The following ANKRD12 variants were observed in gnomAD, a reference collection of about 807,000 sequenced individuals.
ANKRD12 encodes the protein ankyrin repeat domain 12.
A neutral mutation model predicts 183.4 loss-of-function variants in ANKRD12; 85 were observed. The ratio of observed to expected loss-of-function variants is 0.46; its 90% CI spans 0.39 to 0.56. The LOEUF is 0.56. Ranked by LOEUF, ANKRD12 falls within the 20% of genes least tolerant of loss-of-function variation. The probability of loss-of-function intolerance (pLI) is 0.00; values close to 1 mark genes in which losing one functional copy is unlikely to be tolerated. For missense variants in ANKRD12, 2,405 were observed against 2,357.1 expected, an observed-to-expected ratio of 1.02 and a Z score of -0.42; for synonymous variants, 914 against 800.2, an observed-to-expected ratio of 1.14 and a Z score of -2.40.
rs189048780 is a variant in ANKRD12 at position 9,160,236 on chromosome 18, C to T, written c.-51-22146C>T. Reference sequence around the variant, plus strand: ...ACTCAGGTGATCCTCCCACTTCAGCCTTCTGAGTAGCTGGGACCACAGACT... The same window carrying T: ...ACTCAGGTGATCCTCCCACTTCAGCTTTCTGAGTAGCTGGGACCACAGACT... On this transcript the variant is annotated intron_variant, in intron 1 of 12. Coordinates refer to ENST00000262126, the MANE Select transcript of ANKRD12 (RefSeq NM_015208.5). 5.9e-3 allele frequency among the ~76,000 whole-genome samples: 897 copies of T among 152,296 alleles called. 3 individuals carry two copies. Among genetic ancestry groups the T allele is most frequent in the Non-Finnish European group, 9.0e-3 (609 of 68,030 alleles).
intron 1 of ANKRD12, among the ~76,000 whole-genome samples, chr18:9,152,713 A>G (rs1254945880): frequency 1.3e-5 from 2 of 152,062 alleles, no homozygotes; most frequent in African/African-American, 4.8e-5. Flanking sequence ...TTGTTTTCAA[A>G]GGCATCCATT....
intron 1 of ANKRD12, among the ~76,000 whole-genome samples, chr18:9,142,109 A>G (rs937027252): frequency 6.6e-6 from 1 of 152,150 alleles, no homozygotes; most frequent in African/African-American, 2.4e-5. Context: ...ATAGAACTCT[A>G]TAGCTTCTCA....
chr18:9,236,577 T>C (rs969755608), intron 8 of ANKRD12, among the ~76,000 whole-genome samples: 1 of 151,564 alleles, frequency 6.6e-6, no homozygotes, highest in African/African-American at 2.4e-5. Context: ...CTCCAAAACA[T>C]AGAGCAAAAA....
intron 8 of ANKRD12, among the ~76,000 whole-genome samples, chr18:9,236,814 T>C (rs2037374439): frequency 6.6e-6 from 1 of 152,152 alleles, no homozygotes; most frequent in Admixed American, 6.5e-5. Flanking sequence ...AAAACACACA[T>C]ATATACCCCT....
intron 6 of ANKRD12, among the ~76,000 whole-genome samples, chr18:9,216,322 TAATG>T (rs2036102403): frequency 6.6e-6 from 1 of 152,170 alleles, no homozygotes; most frequent in South Asian, 2.1e-4. Context: ...CACTTCTACT[TAATG>T]AATAATAGAT....
intron 1 of ANKRD12, among the ~76,000 whole-genome samples, chr18:9,152,945 A>G (rs1214221525): frequency 4.0e-5 from 6 of 151,850 alleles, no homozygotes. Context: ...GACTTATTAG[A>G]TTATAAACTC....
intron 1 of ANKRD12, among the ~76,000 whole-genome samples, chr18:9,150,513 T>G (rs892542666): frequency 2.6e-5 from 4 of 152,222 alleles, no homozygotes; most frequent in Non-Finnish European, 5.9e-5. Flanking sequence ...TAAGGACTTT[T>G]AAGAACATTG....
chr18:9,210,707 C>G (rs1180282538), intron 5 of ANKRD12, among the ~76,000 whole-genome samples: 1 of 83,464 alleles, frequency 1.2e-5, no homozygotes, highest in African/African-American at 4.3e-5. Context: ...GCCTGGGCAA[C>G]AGAGTGAGAC....
intron 12 of ANKRD12, among the ~76,000 whole-genome samples, chr18:9,280,258 A>G (rs567812661): frequency 9.2e-5 from 14 of 152,226 alleles, no homozygotes; most frequent in African/African-American, 3.1e-4. Context: ...GCAGTTCACA[A>G]TAGGGTTTGA....
intron 7 of ANKRD12, among the ~76,000 whole-genome samples, chr18:9,218,046 G>C (rs554107022): frequency 5.3e-5 from 8 of 152,106 alleles, no homozygotes; most frequent in African/African-American, 1.9e-4. Flanking sequence ...ATTTTAAATA[G>C]TGCCCTTTTA....
At position 9,157,553 on chromosome 18, in the gene ANKRD12, G is replaced by GTGTATGTGTA. The variant is rs1231432683; in HGVS notation, c.-52+20591_-52+20592insATGTGTATGT. Among the ~76,000 whole-genome samples, 38 of 90,696 alleles carry GTGTATGTGTA rather than the reference G, an allele frequency of 4.2e-4. 2 individuals are homozygous for GTGTATGTGTA. The highest frequency in any genetic ancestry group is 8.3e-4 in the African/African-American group (14 of 16,822). 59.5% of individuals were successfully genotyped at this position (90,696 alleles called of 152,430 possible). Reference sequence around the variant, plus strand: ...GGTAAATTTTATGGTGTGTGTGGGTGTGTGTGTGTGTGTGTGTGTGTGTGT... The same window carrying GTGTATGTGTA: ...GGTAAATTTTATGGTGTGTGTGGGTGTGTATGTGTATGTGTGTGTGTGTGTGTGTGTGTGT... On this transcript the variant is annotated intron_variant, in intron 1 of 12. Transcript: ENST00000262126.
intron 2 of ANKRD12, among the ~76,000 whole-genome samples, chr18:9,188,111 G>C (rs573193197): frequency 1.3e-5 from 2 of 152,338 alleles, no homozygotes; most frequent in East Asian, 3.9e-4. Context: ...ACAATTCCTA[G>C]GTCAGTGATG....
intron 2 of ANKRD12, among the ~76,000 whole-genome samples, chr18:9,193,474 T>G (rs1295506686): frequency 6.6e-6 from 1 of 152,080 alleles, no homozygotes; most frequent in African/African-American, 2.4e-5. Context: ...CTTTTTAATA[T>G]TCCCTCTCTA....
At chr18:9,182,356 A>T (rs1161273587) in intron 1 of ANKRD12, 26 bp from the exon 2 acceptor site, 1 of 573,158 alleles carries the variant, frequency 1.7e-6, no homozygotes, top group African/African-American at 2.6e-5. Context: ...ATATTCAAAT[A>T]ACCCTTATAT....
At chr18:9,147,256 A>G (rs2078522982) in intron 1 of ANKRD12, among the ~76,000 whole-genome samples, 2 of 152,138 alleles carry the variant, frequency 1.3e-5, no homozygotes, top group Non-Finnish European at 2.9e-5. Context: ...AAATCCTTTC[A>G]TTTAAGGCTA....
At chr18:9,215,292 T>TA (rs2036032292) in intron 6 of ANKRD12, among the ~76,000 whole-genome samples, 1 of 152,128 alleles carries the variant, frequency 6.6e-6, no homozygotes, top group African/African-American at 2.4e-5. Context: ...CAGTTGGGTT[T>TA]ATGATCAGGA....
At chr18:9,261,037 TTGTTTA>T (rs2038935156) in intron 9 of ANKRD12, among the ~76,000 whole-genome samples, 1 of 152,166 alleles carries the variant, frequency 6.6e-6, no homozygotes, top group African/African-American at 2.4e-5. Flanking sequence ...GTGTTCCTTC[TTGTTTA>T]TGTTTATTGG....
rs142912387 is a variant in ANKRD12 at position 9,235,677 on chromosome 18, G to A, written c.943+13678G>A. 1.4e-4 allele frequency: 66 copies of A among 456,268 alleles called. 1 individual carries two copies. The East Asian group carries it at 2.4e-3, about 17-fold the overall frequency. 28.3% of individuals were successfully genotyped at this position (456,268 alleles called of 1,614,324 possible). ...TTTGCAGGAAATGCCAAGCTCAGCG[G>A]AGCAAGTTGAACTATACCAAGTGTA... On this transcript the variant is annotated intron_variant, in intron 8 of 12. Transcript: ENST00000262126.
chr18:9,267,337 C>T (rs140952200), intron 10 of ANKRD12, among the ~76,000 whole-genome samples: 98 of 152,244 alleles, frequency 6.4e-4, no homozygotes, highest in African/African-American at 2.2e-3. Context: ...AGCACCACGC[C>T]GCACTTCTTC....
Sources: allele counts gnomAD v4.1 joint callset (sites outside exome capture counted in the v4.1 genomes callset), GRCh38; gene constraint gnomAD v4.1.1; transcripts MANE v1.5; gene names NCBI Gene and HGNC (gene_info 2026-07-23, HGNC 2026-07-21).